CD99L2: variants seen among roughly 807,000 people sequenced by gnomAD.
CD99L2 encodes CD99 molecule like 2.
Under a neutral mutation model 27.3 loss-of-function variants are expected in CD99L2, and 24 were observed. The ratio of observed to expected loss-of-function variants is 0.88; its 90% CI spans 0.64 to 1.24. The LOEUF is 1.24. Ranked by LOEUF, CD99L2 falls within the 50% of genes most tolerant of loss-of-function variation. The probability of loss-of-function intolerance (pLI) is 0.00; values close to 1 mark genes in which losing one functional copy is unlikely to be tolerated. For synonymous variants in CD99L2, 97 were observed against 87.9 expected (o/e 1.10, Z -0.58); for missense variants, 255 against 221.6 (o/e 1.15, Z -0.96).
At chrX:150,835,214 T>C (rs1318117232) in intron 1 of CD99L2, among the ~76,000 whole-genome samples, 3 of 112,327 alleles carry the variant, frequency 2.7e-5, no homozygotes, top group Non-Finnish European at 5.6e-5. Flanking sequence ...GTATTGTATA[T>C]TTTAAAATTG....
At position 150,768,257 on chromosome X, in the gene CD99L2, A is replaced by G. The variant is rs1338095067; in HGVS notation, c.*777T>C. 9.0e-6 allele frequency: 1 copy of G among 111,656 alleles called. No individual in the cohort carries two copies. Among genetic ancestry groups the G allele is most frequent in the African/African-American group, 3.3e-5 (1 of 30,633 alleles). 9.2% of individuals were successfully genotyped at this position (111,656 alleles called of 1,213,427 possible). On this transcript the variant is annotated 3_prime_UTR_variant, in exon 11 of 11. Coordinates refer to ENST00000370377, the MANE Select transcript of CD99L2 (RefSeq NM_031462.4). ...TCCGGTGCAGAAATGATTGCTAAAG[A>G]CCTTTCTCATGTCAACCCGAAGGCC... is the stretch of plus-strand genomic sequence containing the variant.
chrX:150,805,336 G>A (rs782349230), intron 4 of CD99L2, among the ~76,000 whole-genome samples: 4 of 111,608 alleles, frequency 3.6e-5, no homozygotes, highest in South Asian at 7.6e-4. Context: ...GGGGAGTAGG[G>A]AGATGCTAGT....
chrX:150,889,655 C>T (rs1036607575), intron 1 of CD99L2, among the ~76,000 whole-genome samples: 3 of 112,179 alleles, frequency 2.7e-5, no homozygotes, highest in Non-Finnish European at 5.6e-5. Flanking sequence ...CTCCTCTACA[C>T]AGATGTTCAC....
chrX:150,818,053 T>TAATAATTTTAAATTAAAAAAAAAAAA (rs1557420583), intron 2 of CD99L2, among the ~76,000 whole-genome samples: 3 of 106,716 alleles, frequency 2.8e-5, no homozygotes, highest in East Asian at 2.9e-4. Context: ...GAGGAAGACA[T>TAATAATTTTAAATTAAAAAAAAAAAA]AATAATTTTA....
chrX:150,796,748 G>C (rs1028235768), intron 4 of CD99L2, among the ~76,000 whole-genome samples: 17 of 111,982 alleles, frequency 1.5e-4, no homozygotes, highest in Non-Finnish European at 2.1e-4. Flanking sequence ...TCTGAACCAG[G>C]AAATAAACTT....
intron 2 of CD99L2, chrX:150,818,807 C>CA (rs1557420609): frequency 5.7e-6 from 2 of 349,069 alleles, no homozygotes; most frequent in Non-Finnish European, 5.7e-6. Context: ...GTCCTTGGGC[C>CA]AGGTCTCCTT....
At chrX:150,877,710 T>C (rs1324718328) in intron 1 of CD99L2, among the ~76,000 whole-genome samples, 1 of 110,484 alleles carries the variant, frequency 9.1e-6, no homozygotes, top group Non-Finnish European at 1.9e-5. Context: ...TCCCAGCTAC[T>C]CAGGAGGCTA....
intron 1 of CD99L2, among the ~76,000 whole-genome samples, chrX:150,852,414 G>A (rs2046806996): frequency 1.8e-5 from 2 of 109,648 alleles, no homozygotes; most frequent in East Asian, 2.9e-4. Context: ...GGGTCCCTCT[G>A]CCCGGAAGAC....
At chrX:150,798,855 A>G (rs1164856221) in intron 4 of CD99L2, among the ~76,000 whole-genome samples, 2 of 112,338 alleles carry the variant, frequency 1.8e-5, no homozygotes, top group African/African-American at 6.5e-5. Flanking sequence ...GACTCAAGTG[A>G]TCCTCTTATC....
At chrX:150,794,956 AGATT>A (rs1344203605) in intron 6 of CD99L2, among the ~76,000 whole-genome samples, 21 of 112,925 alleles carry the variant, frequency 1.9e-4, no homozygotes, top group African/African-American at 5.8e-4. Context: ...TGTTCATTTT[AGATT>A]GATTAATAAA....
At chrX:150,858,006 A>G in intron 1 of CD99L2, among the ~76,000 whole-genome samples, 1 of 112,474 alleles carries the variant, frequency 8.9e-6, no homozygotes, top group East Asian at 2.8e-4. Flanking sequence ...AAGATATTCC[A>G]TGCAAATGGA....
At chrX:150,882,667 C>T (rs1557422530) in intron 1 of CD99L2, among the ~76,000 whole-genome samples, 2 of 111,191 alleles carry the variant, frequency 1.8e-5, no homozygotes, top group African/African-American at 6.5e-5. Flanking sequence ...AAGAGCCAGA[C>T]TCCACCTCAA....
intron 6 of CD99L2, among the ~76,000 whole-genome samples, chrX:150,794,961 G>A (rs2045768705): frequency 8.9e-6 from 1 of 112,655 alleles, no homozygotes; most frequent in Admixed American, 9.4e-5. Context: ...ATTTTAGATT[G>A]ATTAATAAAG....
chrX:150,824,547 GGAA>G (rs1445295581), intron 2 of CD99L2, among the ~76,000 whole-genome samples: 87 of 88,434 alleles, frequency 9.8e-4, no homozygotes, highest in East Asian at 3.4e-3. Context: ...GAAGGAAGAA[GGAA>G]GAAGAAGAAA....
At chrX:150,813,829 T>A (rs1238713661) in intron 4 of CD99L2, among the ~76,000 whole-genome samples, 5 of 112,367 alleles carry the variant, frequency 4.4e-5, no homozygotes, top group African/African-American at 6.5e-5. Flanking sequence ...AAAGATTTTT[T>A]AAAACCAACT....
At chrX:150,776,507 C>A (rs1557419267) in intron 8 of CD99L2, among the ~76,000 whole-genome samples, 1 of 111,934 alleles carries the variant, frequency 8.9e-6, no homozygotes, top group Non-Finnish European at 1.9e-5. Context: ...TCTGTAAGGG[C>A]TTCACTTTTG....
At position 150,877,134 on chromosome X, in the gene CD99L2, AAAAG is replaced by A. The variant is rs1298908338; in HGVS notation, c.67+21384_67+21387del. ...CCTGTCTCTTAATAAAAAAAAAAAA[AAAAG>A]AAAGAAAGAAACAAAAAAGTCATAA... is the stretch of plus-strand genomic sequence containing the variant. On this transcript the variant is annotated intron_variant, in intron 1 of 10. Coordinates refer to ENST00000370377, the MANE Select transcript of CD99L2 (RefSeq NM_031462.4). 1.1e-3 allele frequency among the ~76,000 whole-genome samples: 121 copies of A among 109,800 alleles called. 1 individual carries two copies. In the Admixed American group the frequency reaches 0.011, roughly 10 times the overall value.
At chrX:150,862,242 C>T (rs1285938559) in intron 1 of CD99L2, among the ~76,000 whole-genome samples, 1 of 112,066 alleles carries the variant, frequency 8.9e-6, no homozygotes, top group Non-Finnish European at 1.9e-5. Context: ...CATTCTAACC[C>T]CCAGAGCCTG....
Position 150,769,684 on chromosome X carries a change from ACCAGGCCTCG to A in CD99L2, c.722-593_722-584del, listed in dbSNP as rs2043391822. Among the ~76,000 whole-genome samples the A allele has an allele frequency of 4.4e-5, 4 of 91,492 alleles. No individual in the cohort carries two copies. In the South Asian group the frequency reaches 1.2e-3, roughly 28 times the overall value. The allele number at this position is 91,492 out of a possible 115,157, so 79.4% of individuals were successfully genotyped here. On this transcript the variant is annotated intron_variant, in intron 10 of 10. Transcript: ENST00000370377. ...CTGTCCTAGTCTCCCTGCCTGCGCC[ACCAGGCCTCG>A]GCTGCTCCCCGACCCCAGCAAGCCT...
Sources: gnomAD v4.1 joint callset for allele counts (sites outside exome capture counted in the v4.1 genomes callset) on GRCh38, gnomAD v4.1.1 for gene constraint, MANE v1.5 for transcripts, NCBI Gene and HGNC (gene_info 2026-07-23, HGNC 2026-07-21) for gene names.